MLEC: variants seen among roughly 807,000 people sequenced by gnomAD.
The protein encoded by MLEC is oligosaccharyltransferase complex subunit (non-catalytic).
A neutral mutation model predicts 28.7 loss-of-function variants in MLEC; 7 were observed. The ratio of observed to expected loss-of-function variants is 0.24; its 90% confidence interval spans 0.14 to 0.46. MLEC has a LOEUF of 0.46. MLEC is among the 20% of genes least tolerant of loss of function. MLEC has a pLI of 0.99. For synonymous variants in MLEC, 142 were observed against 164.4 expected (o/e 0.86, Z 1.04); for missense variants, 237 against 391.1 (o/e 0.61, Z 3.32).
At chr12:120,689,445 A>T (rs1335446030) in intron 1 of MLEC, among the ~76,000 whole-genome samples, 3 of 152,190 alleles carry the variant, frequency 2.0e-5, no homozygotes, top group African/African-American at 7.2e-5. Flanking sequence ...CATTCTACCA[A>T]TCTGGGTAAG....
chr12:120,689,201 G>C (rs894928797), intron 1 of MLEC, among the ~76,000 whole-genome samples: 2 of 126,264 alleles, frequency 1.6e-5, no homozygotes, highest in African/African-American at 7.9e-5. Context: ...TGCTGATGCA[G>C]GTGGTGTGTG....
intron 1 of MLEC, among the ~76,000 whole-genome samples, chr12:120,692,413 T>C (rs1322397847): frequency 1.3e-5 from 2 of 152,140 alleles, no homozygotes; most frequent in Non-Finnish European, 2.9e-5. Flanking sequence ...TTTGTATGCA[T>C]TGCTCAGCTA....
rs749311620 is a variant in MLEC, at chr12:120,687,562, C to T, written c.235+31C>T. 147 of 1,477,410 alleles carry T rather than the reference C, an allele frequency of 9.9e-5. No individual in the cohort carries two copies. Among genetic ancestry groups the T allele is most frequent in the Non-Finnish European group, 1.2e-4 (134 of 1,110,338 alleles). 91.5% of individuals were successfully genotyped at this position (1,477,410 alleles called of 1,614,324 possible). On this transcript the variant is annotated intron_variant, in intron 1 of 4. Coordinates refer to ENST00000228506, the MANE Select transcript of MLEC (RefSeq NM_014730.4). The surrounding 1 kb of genome is among the most constrained non-coding windows in gnomAD (Gnocchi z 8.1). ...AGTCCCCCTGCCGAGCCGCGGGATC[C>T]AGGGCCTGCTGTGCTGGGCGCAGCC... is the stretch of plus-strand genomic sequence containing the variant.
In MLEC at chr12:120,687,413, G is replaced by A. The variant is rs1881866748; in HGVS notation, c.117G>A (p.Ala39=). 7.2e-7 allele frequency: 1 copy of A among 1,392,856 alleles called. No individual in the cohort carries two copies. The highest frequency in any genetic ancestry group is 9.3e-7 in the Non-Finnish European group (1 of 1,075,070). 86.3% of individuals were successfully genotyped at this position (1,392,856 alleles called of 1,614,324 possible). The change falls in exon 1 of 5, where the codon GCG becomes GCA. Residue 39 remains alanine, a synonymous_variant. Coordinates refer to ENST00000228506, the MANE Select transcript of MLEC (RefSeq NM_014730.4). This position sits in a 1 kb window ranked among gnomAD's most constrained non-coding sequence, Gnocchi z 8.1. The part of the protein sequence containing the change: ...PGLGVAGVAG[A]AGAGLPESVI... ...TCGGCGTGGCCGGCGTGGCCGGCGC[G>A]GCGGGGGCCGGGCTGCCCGAGAGCG...
rs888803823 is a variant in MLEC at position 120,690,556 on chromosome 12, T to G, written c.235+3025T>G. On this transcript the variant is annotated intron_variant, in intron 1 of 4. Transcript: ENST00000228506. Reference sequence around the variant, plus strand: ...TTTCTGATAAGACTGTAAACTCTCCTGTCCAGAGTAGCTTGAAGTGTCTCT... The same window carrying G: ...TTTCTGATAAGACTGTAAACTCTCCGGTCCAGAGTAGCTTGAAGTGTCTCT... Among the ~76,000 whole-genome samples, 6 of 152,374 alleles carry G rather than the reference T, an allele frequency of 3.9e-5. No homozygotes were observed. The South Asian group carries it at 1.0e-3, about 26-fold the overall frequency.
rs1882287181 is a variant in MLEC at position 120,697,541 on chromosome 12, T to C, written c.*996T>C. The C allele has an allele frequency of 6.6e-6, 1 of 152,664 alleles. No homozygotes were observed. The allele number at this position is 152,664 out of a possible 1,614,324, so 9.5% of individuals were successfully genotyped here. On this transcript the variant is annotated 3_prime_UTR_variant, in exon 5 of 5. Coordinates refer to ENST00000228506, the MANE Select transcript of MLEC (RefSeq NM_014730.4). The surrounding 1 kb of genome is among the most constrained non-coding windows in gnomAD (Gnocchi z 4.8). Reference sequence around the variant, plus strand: ...CTTTACTGGCCCCTTTGTAGGGCCTTGCTGCCAGGGGGCAGGGATGCTTTC... The same window carrying C: ...CTTTACTGGCCCCTTTGTAGGGCCTCGCTGCCAGGGGGCAGGGATGCTTTC...
chr12:120,695,269 G>A lies in MLEC; in HGVS notation c.649+117G>A, dbSNP rs750189136. The A allele has an allele frequency of 5.9e-4, 656 of 1,117,628 alleles. 1 individual carries two copies. Among genetic ancestry groups the A allele is most frequent in the Middle Eastern group, 5.6e-3 (23 of 4,100 alleles). The allele number at this position is 1,117,628 out of a possible 1,614,324, so 69.2% of individuals were successfully genotyped here. A position where few individuals can be genotyped will look rare whatever the true frequency, so the allele number is the denominator to read the frequency against. On this transcript the variant is annotated intron_variant, in intron 4 of 4. Coordinates refer to ENST00000228506, the MANE Select transcript of MLEC (RefSeq NM_014730.4). ...GAAACACTTAAAGCTAAATTGTAGG[G>A]GATTCAGAATCAGTTGGATAAGGAT...
In MLEC at chr12:120,694,100, A is replaced by C; in HGVS notation, c.245A>C (p.Tyr82Ser). 2.5e-6 allele frequency: 4 copies of C among 1,613,728 alleles called. No homozygotes were observed. Among genetic ancestry groups the C allele is most frequent in the Non-Finnish European group, 3.4e-6 (4 of 1,179,798 alleles). ...TGTCTTTTGTCCTCAGCCTCAGACTATGGCATGAAACTGCCAATCCTGCGT... is the reference window on the plus strand; with the variant it reads ...TGTCTTTTGTCCTCAGCCTCAGACTCTGGCATGAAACTGCCAATCCTGCGT... ...LEGRVGRASD[Y>S]GMKLPILRSN... Residue 82 changes from tyrosine to serine, a missense_variant, in exon 2 of 5, where the codon TAT becomes TCT. Transcript: ENST00000228506. This position sits in a 1 kb window ranked among gnomAD's most constrained non-coding sequence, Gnocchi z 4.5.
chr12:120,695,955 T>G (rs562595135), intron 4 of MLEC, among the ~76,000 whole-genome samples: 1 of 152,244 alleles, frequency 6.6e-6, no homozygotes, highest in South Asian at 2.1e-4. Context: ...TCAGTTGTTG[T>G]GTGAATCAAA....
Position 120,696,437 on chromosome 12 carries a change from C to A in MLEC, c.771C>A (p.Gly257=). The A allele has an allele frequency of 3.1e-6, 5 of 1,614,160 alleles. No individual in the cohort carries two copies. The highest frequency in any genetic ancestry group is 4.2e-6 in the Non-Finnish European group (5 of 1,180,036). ...CCAATAAGAACCGGGTGCAGTCAGG[C>A]CCCCGCACACCCAACCCCTATGCCT... is the stretch of plus-strand genomic sequence containing the variant. ...KQTNKNRVQS[G]PRTPNPYASD... Residue 257 remains glycine (G), a synonymous_variant, in exon 5 of 5, where the codon GGC becomes GGA. Coordinates refer to ENST00000228506, the MANE Select transcript of MLEC (RefSeq NM_014730.4). The surrounding 1 kb of genome is among the most constrained non-coding windows in gnomAD (Gnocchi z 5.4).
Position 120,701,471 on chromosome 12 carries a change from C to T in MLEC, c.*4926C>T, listed in dbSNP as rs1240875962. 1 of 152,678 alleles carries T rather than the reference C, an allele frequency of 6.5e-6. No individual in the cohort carries two copies. The highest frequency in any genetic ancestry group is 1.5e-5 in the Non-Finnish European group (1 of 68,064). The allele number at this position is 152,678 out of a possible 1,614,324, so 9.5% of individuals were successfully genotyped here. On this transcript the variant is annotated 3_prime_UTR_variant, in exon 5 of 5. Transcript: ENST00000228506. This position sits in a 1 kb window ranked among gnomAD's most constrained non-coding sequence, Gnocchi z 4.0. ...GGCAGCCTCTTCAACCATTATTGGT[C>T]TAACCTGGCTTGTCAGGAAACCAAG...
chr12:120,693,968 G>T, intron 1 of MLEC, 123 bp from the exon 2 acceptor site: 2 of 798,326 alleles, frequency 2.5e-6, no homozygotes, highest in Non-Finnish European at 1.9e-6. Flanking sequence ...TGCAGAGTGG[G>T]TGGCCCCTTT....
At chr12:120,691,563 A>T (rs1175750782) in intron 1 of MLEC, among the ~76,000 whole-genome samples, 1 of 152,250 alleles carries the variant, frequency 6.6e-6, no homozygotes, top group Non-Finnish European at 1.5e-5. Context: ...TTTCAGCAGT[A>T]TGCTGACTGT....
At chr12:120,695,653 T>A (rs1244490563) in intron 4 of MLEC, among the ~76,000 whole-genome samples, 1 of 152,230 alleles carries the variant, frequency 6.6e-6, no homozygotes, top group Non-Finnish European at 1.5e-5. Flanking sequence ...TATTTCTTTC[T>A]CAGGGTTTAG....
rs1032217684 is a variant in MLEC at position 120,700,464 on chromosome 12, G to A, written c.*3919G>A. 2 of 152,056 alleles carry A rather than the reference G, an allele frequency of 1.3e-5. No individual in the cohort carries two copies. The highest frequency in any genetic ancestry group is 4.8e-5 in the African/African-American group (2 of 41,312). 9.4% of individuals were successfully genotyped at this position (152,056 alleles called of 1,614,324 possible). A position where few individuals can be genotyped will look rare whatever the true frequency, so the allele number is the denominator to read the frequency against. On this transcript the variant is annotated 3_prime_UTR_variant, in exon 5 of 5. Coordinates refer to ENST00000228506, the MANE Select transcript of MLEC (RefSeq NM_014730.4). This position sits in a 1 kb window ranked among gnomAD's most constrained non-coding sequence, Gnocchi z 4.0. Reference sequence around the variant, plus strand: ...TCTTTCTTTCTTTTTTTTTTTAAAGGGCAGGATGGGTATGCTTTGGGCTTT... The same window carrying A: ...TCTTTCTTTCTTTTTTTTTTTAAAGAGCAGGATGGGTATGCTTTGGGCTTT...
chr12:120,695,533 GTC>G (rs1427328479), intron 4 of MLEC, among the ~76,000 whole-genome samples: 1 of 152,202 alleles, frequency 6.6e-6, no homozygotes, highest in African/African-American at 2.4e-5. Context: ...AAAAGGAGGA[GTC>G]CTGTAGGCTT....
At position 120,696,756 on chromosome 12, in the gene MLEC, C is replaced by CT. The variant is rs1432050494; in HGVS notation, c.*214dup. On this transcript the variant is annotated 3_prime_UTR_variant, in exon 5 of 5. Transcript: ENST00000228506. This position sits in a 1 kb window ranked among gnomAD's most constrained non-coding sequence, Gnocchi z 5.4. ...AGACGTGCTTCAGTCCTCGTCCTCT[C>CT]TTTGTGGCTGGCTCCCAGCCTTCTC... 1.4e-5 allele frequency: 9 copies of CT among 660,664 alleles called. No individual in the cohort carries two copies. The highest frequency in any genetic ancestry group is 2.2e-5 in the Non-Finnish European group (9 of 400,048). 40.9% of individuals were successfully genotyped at this position (660,664 alleles called of 1,614,324 possible).
intron 1 of MLEC, among the ~76,000 whole-genome samples, chr12:120,690,408 G>A (rs528200263): frequency 6.6e-6 from 1 of 152,274 alleles, no homozygotes; most frequent in Admixed American, 6.5e-5. Context: ...TTTTGCTTGA[G>A]TTTAGGGAAG....
At position 120,695,018 on chromosome 12, in the gene MLEC, C is replaced by T; in HGVS notation, c.591+18C>T. 6.2e-7 allele frequency: 1 copy of T among 1,613,978 alleles called. No individual in the cohort carries two copies. Among genetic ancestry groups the T allele is most frequent in the Non-Finnish European group, 8.5e-7 (1 of 1,179,866 alleles). ...TTGTCAAGGTAATTCCCCTATTCTG[C>T]CCATTGCTGAAGAGAGTGGGTACAG... On this transcript the variant is annotated intron_variant, in intron 3 of 4. Coordinates refer to ENST00000228506, the MANE Select transcript of MLEC (RefSeq NM_014730.4).
Sources: allele counts gnomAD v4.1 joint callset (sites outside exome capture counted in the v4.1 genomes callset), GRCh38; gene constraint gnomAD v4.1.1; non-coding constraint Gnocchi (gnomAD v3.1); transcripts MANE v1.5; gene names NCBI Gene and HGNC (gene_info 2026-07-23, HGNC 2026-07-21).